The following CCSER1 variants were observed in gnomAD, a reference collection of about 807,000 sequenced individuals.
CCSER1 encodes coiled-coil serine rich protein 1, also known as serine-rich coiled-coil domain-containing protein 1.
Under a neutral mutation model 82.0 loss-of-function variants are expected in CCSER1, and 41 were observed. That is an observed-to-expected ratio of 0.50 (90% CI 0.39 to 0.65). The LOEUF (loss-of-function observed/expected upper bound fraction) is 0.65, where lower values mean the gene tolerates loss of function less well. CCSER1 is among the 30% of genes least tolerant of loss of function. The pLI, the probability that CCSER1 is intolerant of heterozygous loss-of-function variation, is 0.00. For synonymous variants in CCSER1, 414 were observed against 383.9 expected (o/e 1.08, Z -0.92); for missense variants, 1,119 against 1,064.2 (o/e 1.05, Z -0.72).
chr4:91,594,402 C>T (rs1334420590), intron 10 of CCSER1, among the ~76,000 whole-genome samples: 1 of 145,336 alleles, frequency 6.9e-6, no homozygotes, highest in African/African-American at 2.6e-5. Context: ...CATATATACA[C>T]ATATATACAC....
At chr4:91,086,488 G>A (rs186323432) in intron 10 of CCSER1, among the ~76,000 whole-genome samples, 221 of 152,112 alleles carry the variant, frequency 1.5e-3, no homozygotes, top group African/African-American at 5.0e-3. Flanking sequence ...CTAACTGAAT[G>A]TGAAGACTTA....
intron 10 of CCSER1, among the ~76,000 whole-genome samples, chr4:91,237,106 C>G (rs1458579460): frequency 6.6e-6 from 1 of 151,994 alleles, no homozygotes; most frequent in Non-Finnish European, 1.5e-5. Context: ...AGGTTATATG[C>G]CCATTATATT....
intron 1 of CCSER1, among the ~76,000 whole-genome samples, chr4:90,194,517 A>G (rs1051563900): frequency 1.5e-4 from 23 of 152,094 alleles, no homozygotes. Flanking sequence ...GCTTTAAAAC[A>G]TATGATTCTT....
Position 91,599,315 on chromosome 4 carries a change from T to C in CCSER1, c.*258T>C, listed in dbSNP as rs1764727647. On this transcript the variant is annotated 3_prime_UTR_variant, in exon 11 of 11. Transcript: ENST00000509176. ...TATAGGTGTATAATAAATGGGACCA[T>C]CATGATCGTTTATATAGTCCATAAT... is the stretch of plus-strand genomic sequence containing the variant. The C allele has an allele frequency of 2.8e-6, 1 of 352,910 alleles. No homozygotes were observed. Among genetic ancestry groups the C allele is most frequent in the Non-Finnish European group, 5.1e-6 (1 of 195,136 alleles). The allele number at this position is 352,910 out of a possible 1,614,324, so 21.9% of individuals were successfully genotyped here.
intron 10 of CCSER1, among the ~76,000 whole-genome samples, chr4:91,382,926 C>T (rs751096816): frequency 6.6e-6 from 1 of 152,108 alleles, no homozygotes; most frequent in Non-Finnish European, 1.5e-5. Context: ...AAGTTAGCAT[C>T]CATCAATATC....
intron 10 of CCSER1, among the ~76,000 whole-genome samples, chr4:91,432,861 T>C (rs762574646): frequency 3.3e-5 from 5 of 152,110 alleles, no homozygotes; most frequent in Non-Finnish European, 5.9e-5. Context: ...ATATTTTGTT[T>C]TATTAAGTTT....
intron 5 of CCSER1, among the ~76,000 whole-genome samples, chr4:90,547,919 A>T (rs1278871394): frequency 6.6e-6 from 1 of 152,174 alleles, no homozygotes; most frequent in Non-Finnish European, 1.5e-5. Flanking sequence ...AGTAAAAGAT[A>T]TATTTGCTAA....
chr4:90,288,213 G>A (rs115530155), intron 1 of CCSER1, among the ~76,000 whole-genome samples: 2,048 of 151,942 alleles, frequency 0.013, 27 homozygotes, highest in Non-Finnish European at 0.021. Context: ...TCCCTACAAG[G>A]ATCTGGACCT....
intron 10 of CCSER1, among the ~76,000 whole-genome samples, chr4:91,482,585 C>T (rs1021400560): frequency 1.3e-5 from 2 of 151,992 alleles, no homozygotes; most frequent in African/African-American, 4.8e-5. Context: ...CCAGCCATCC[C>T]ATTACTGGGT....
intron 6 of CCSER1, 146 bp downstream of exon 6, chr4:90,628,378 T>C (rs1271002252): frequency 1.6e-6 from 1 of 629,748 alleles, no homozygotes; most frequent in Non-Finnish European, 2.8e-6. Flanking sequence ...TATTTTCATA[T>C]GTCAAATGAG....
intron 1 of CCSER1, among the ~76,000 whole-genome samples, chr4:90,287,913 T>G (rs1730198508): frequency 6.6e-6 from 1 of 151,772 alleles, no homozygotes; most frequent in African/African-American, 2.4e-5. Context: ...TTAAAACAAA[T>G]AGCAAAACAA....
chr4:90,833,698 A>G (rs1731382522), intron 8 of CCSER1, among the ~76,000 whole-genome samples: 1 of 152,192 alleles, frequency 6.6e-6, no homozygotes, highest in Admixed American at 6.5e-5. Context: ...TACATTTGTA[A>G]TCTCTCAATT....
At chr4:90,856,837 T>C (rs1764516831) in intron 8 of CCSER1, among the ~76,000 whole-genome samples, 2 of 152,094 alleles carry the variant, frequency 1.3e-5, no homozygotes, top group African/African-American at 4.8e-5. Flanking sequence ...GCCATAATAT[T>C]TTATCAGTGT....
chr4:90,742,004 C>T (rs947514391), intron 7 of CCSER1, among the ~76,000 whole-genome samples: 5 of 151,946 alleles, frequency 3.3e-5, no homozygotes, highest in Non-Finnish European at 5.9e-5. Flanking sequence ...AGGAGGCATG[C>T]CTAGATAGGC....
At chr4:91,108,206 T>C (rs1018125737) in intron 10 of CCSER1, 1 of 152,218 alleles carries the variant, frequency 6.6e-6, no homozygotes, top group Non-Finnish European at 1.5e-5. Context: ...ATCAAATCAT[T>C]GCCAATATGT....
At chr4:90,135,382 C>A (rs1723492243) in intron 1 of CCSER1, among the ~76,000 whole-genome samples, 1 of 152,140 alleles carries the variant, frequency 6.6e-6, no homozygotes, top group African/African-American at 2.4e-5. Flanking sequence ...TCTGAAACAA[C>A]CTCATTTTTT....
At chr4:91,035,196 A>T (rs1741329391) in intron 9 of CCSER1, among the ~76,000 whole-genome samples, 1 of 152,154 alleles carries the variant, frequency 6.6e-6, no homozygotes, top group East Asian at 1.9e-4. Flanking sequence ...CATTTGCTAG[A>T]ATTTGACCAA....
intron 1 of CCSER1, among the ~76,000 whole-genome samples, chr4:90,245,825 A>G (rs534360594): frequency 6.6e-6 from 1 of 152,144 alleles, no homozygotes; most frequent in South Asian, 2.1e-4. Flanking sequence ...GGGCTTTTCT[A>G]TCTAATTTAG....
intron 10 of CCSER1, among the ~76,000 whole-genome samples, chr4:91,304,001 T>C (rs914631641): frequency 6.6e-6 from 1 of 152,028 alleles, no homozygotes; most frequent in Non-Finnish European, 1.5e-5. Context: ...GAGAAAAGCC[T>C]TAAGGGAAAG....
Sources: gnomAD v4.1 joint callset for allele counts (sites outside exome capture counted in the v4.1 genomes callset) on GRCh38, gnomAD v4.1.1 for gene constraint, MANE v1.5 for transcripts, NCBI Gene and HGNC (gene_info 2026-07-23, HGNC 2026-07-21) for gene names.